Variants in NALF1 observed in about 807,000 individuals in gnomAD.
NALF1 encodes the protein family with sequence similarity 155 member A.
In NALF1, 3 loss-of-function variants were observed where a neutral mutation model predicts 48.4. The observed-to-expected ratio is 0.06, with a 90% CI of 0.03 to 0.16. The LOEUF (loss-of-function observed/expected upper bound fraction) is 0.16. NALF1 is among the 10% of genes least tolerant of loss of function. The pLI is 1.00. For synonymous variants in NALF1, 262 were observed against 245.7 expected, an observed-to-expected ratio of 1.07 and a Z score of -0.62; for missense variants, 526 against 571.5, an observed-to-expected ratio of 0.92 and a Z score of 0.81.
intron 1 of NALF1, among the ~76,000 whole-genome samples, chr13:107,766,016 C>T (rs528906540): frequency 4.0e-5 from 6 of 151,872 alleles, no homozygotes; most frequent in Admixed American, 6.6e-5. Context: ...CCTTTGTTCA[C>T]GTAAAAATAA....
chr13:107,825,020 T>C (rs1328607938), intron 1 of NALF1, among the ~76,000 whole-genome samples: 2 of 152,240 alleles, frequency 1.3e-5, no homozygotes, highest in Non-Finnish European at 2.9e-5. Flanking sequence ...TTTAGTTACT[T>C]GTTAGTTTAT....
At chr13:107,704,723 G>A (rs1881906211) in intron 1 of NALF1, among the ~76,000 whole-genome samples, 1 of 152,180 alleles carries the variant, frequency 6.6e-6, no homozygotes, top group Non-Finnish European at 1.5e-5. Context: ...AAGAGGACAG[G>A]GAACCCCACC....
chr13:107,689,066 A>G (rs1019674329), intron 1 of NALF1, among the ~76,000 whole-genome samples: 4 of 152,220 alleles, frequency 2.6e-5, no homozygotes, highest in Non-Finnish European at 5.9e-5. Context: ...AGGAAGGCTG[A>G]TCAGACAGCT....
intron 2 of NALF1, among the ~76,000 whole-genome samples, chr13:107,185,057 A>G (rs184202501): frequency 1.3e-5 from 2 of 152,300 alleles, no homozygotes; most frequent in Admixed American, 1.3e-4. Flanking sequence ...TGTCAGAGAC[A>G]TACAGAGAAG....
intron 1 of NALF1, among the ~76,000 whole-genome samples, chr13:107,650,562 T>C (rs1184837383): frequency 6.6e-6 from 1 of 151,594 alleles, no homozygotes; most frequent in African/African-American, 2.4e-5. Flanking sequence ...AATGATACAA[T>C]GGGCTTTGGT....
chr13:107,511,599 C>T (rs2139087840), intron 1 of NALF1, among the ~76,000 whole-genome samples: 1 of 152,206 alleles, frequency 6.6e-6, no homozygotes, highest in East Asian at 1.9e-4. Context: ...CTCATAACAA[C>T]ATTATGAGTC....
chr13:107,192,353 C>T (rs1030335093), intron 2 of NALF1, among the ~76,000 whole-genome samples: 10 of 152,234 alleles, frequency 6.6e-5, no homozygotes, highest in African/African-American at 9.6e-5. Flanking sequence ...GTGTCTGGGC[C>T]GCTTACAGAC....
At chr13:107,443,418 T>A (rs1203470490) in intron 1 of NALF1, among the ~76,000 whole-genome samples, 1 of 152,160 alleles carries the variant, frequency 6.6e-6, no homozygotes, top group Admixed American at 6.5e-5. Context: ...ATTCTTGCTA[T>A]GTTGGCCAGG....
chr13:107,816,503 A>T (rs915454231), intron 1 of NALF1, among the ~76,000 whole-genome samples: 1 of 152,132 alleles, frequency 6.6e-6, no homozygotes, highest in Non-Finnish European at 1.5e-5. Flanking sequence ...TCACTACCAC[A>T]TGAACAGTAA....
intron 1 of NALF1, among the ~76,000 whole-genome samples, chr13:107,268,263 C>A (rs1343210697): frequency 6.6e-6 from 1 of 152,092 alleles, no homozygotes; most frequent in Non-Finnish European, 1.5e-5. Flanking sequence ...GCCAGGATTA[C>A]AGGTGTGAGC....
At chr13:107,838,844 T>C (rs1028470266) in intron 1 of NALF1, among the ~76,000 whole-genome samples, 1 of 152,140 alleles carries the variant, frequency 6.6e-6, no homozygotes, top group African/African-American at 2.4e-5. Context: ...ATGTTTTGAG[T>C]ATGAAAGTCA....
At chr13:107,245,656 C>T (rs867499422) in intron 1 of NALF1, among the ~76,000 whole-genome samples, 1 of 152,134 alleles carries the variant, frequency 6.6e-6, no homozygotes. Flanking sequence ...AAAATCATAT[C>T]GATTAAAAGA....
At chr13:107,779,566 G>C (rs1877826887) in intron 1 of NALF1, among the ~76,000 whole-genome samples, 1 of 152,146 alleles carries the variant, frequency 6.6e-6, no homozygotes, top group Admixed American at 6.5e-5. Context: ...GCTCTTCACT[G>C]CTCACACTCC....
chr13:107,776,008 C>T (rs1877720858), intron 1 of NALF1, among the ~76,000 whole-genome samples: 1 of 152,174 alleles, frequency 6.6e-6, no homozygotes, highest in Non-Finnish European at 1.5e-5. Flanking sequence ...CCTTGTTTTT[C>T]TCTCAAGTCA....
At chr13:107,832,360 T>G (rs1218915823) in intron 1 of NALF1, among the ~76,000 whole-genome samples, 1 of 152,092 alleles carries the variant, frequency 6.6e-6, no homozygotes, top group African/African-American at 2.4e-5. Flanking sequence ...TATGTAAATA[T>G]TTTGTATATA....
At chr13:107,802,404 A>G (rs1878646711) in intron 1 of NALF1, among the ~76,000 whole-genome samples, 1 of 152,204 alleles carries the variant, frequency 6.6e-6, no homozygotes, top group South Asian at 2.1e-4. Context: ...ATTGTTAAAC[A>G]TACCACTAAA....
chr13:107,525,193 T>A (rs1203864601), intron 1 of NALF1, among the ~76,000 whole-genome samples: 2 of 152,064 alleles, frequency 1.3e-5, no homozygotes, highest in African/African-American at 2.4e-5. Context: ...ACATGGAGAT[T>A]TCTGTAACTA....
At chr13:107,317,915 A>C (rs1169520600) in intron 1 of NALF1, among the ~76,000 whole-genome samples, 1 of 152,054 alleles carries the variant, frequency 6.6e-6, no homozygotes, top group Non-Finnish European at 1.5e-5. Context: ...CTAACAAATG[A>C]GTAGAGCATT....
chr13:107,599,419 C>T (rs2138423417), intron 1 of NALF1, among the ~76,000 whole-genome samples: 1 of 101,980 alleles, frequency 9.8e-6, no homozygotes, highest in Middle Eastern at 4.1e-3. Context: ...GAGACTCCGT[C>T]TCAAAAAAAA....
Sources: gnomAD v4.1 joint callset for allele counts (sites outside exome capture counted in the v4.1 genomes callset) on GRCh38, gnomAD v4.1.1 for gene constraint, MANE v1.5 for transcripts, NCBI Gene and HGNC (gene_info 2026-07-23, HGNC 2026-07-21) for gene names.